Variants in RPGR observed in about 807,000 individuals in gnomAD.
RPGR encodes the protein retinitis pigmentosa GTPase regulator, also known as X-linked retinitis pigmentosa GTPase regulator.
In RPGR, 10 loss-of-function variants were observed where a neutral mutation model predicts 56.3. That is an observed-to-expected ratio of 0.18 (90% confidence interval 0.11 to 0.30). The LOEUF (loss-of-function observed/expected upper bound fraction) is 0.30, where lower values mean the gene tolerates loss of function less well. Among genes scored for constraint, RPGR ranks in the 10% least tolerant of loss-of-function variants. RPGR has a pLI of 1.00. For missense variants in RPGR, 538 were observed against 590.9 expected (o/e 0.91, Z 0.93); for synonymous variants, 197 against 212.9 (o/e 0.93, Z 0.65).
chrX:38,306,202 A>G (rs778799700), intron 7 of RPGR, among the ~76,000 whole-genome samples: 2 of 111,962 alleles, frequency 1.8e-5, no homozygotes, highest in Non-Finnish European at 3.8e-5. Flanking sequence ...CAGGAAGGGC[A>G]AGAGCTTGTT....
At chrX:38,273,305 A>T in intron 18 of RPGR, 1 of 788,005 alleles carries the variant, frequency 1.3e-6, no homozygotes, top group Non-Finnish European at 1.9e-6. Flanking sequence ...TAAGAGAGTT[A>T]AATTATGTGG....
chrX:38,288,053 T>C lies in RPGR; in HGVS notation c.1573-12A>G, dbSNP rs2067221066. On this transcript the variant is annotated splice_polypyrimidine_tract_variant and intron_variant, in intron 13 of 18. Transcript: ENST00000642395. The stretch of plus-strand genomic sequence containing the variant: ...ATTGTTTGTTGTTTCTGTAAATTTT[T>C]TGAAGTAATTATCATATGTCATACT... 1.7e-6 allele frequency: 2 copies of C among 1,195,458 alleles called. No individual in the cohort carries two copies. The highest frequency in any genetic ancestry group is 2.3e-6 in the Non-Finnish European group (2 of 880,809).
chrX:38,291,545 G>A, intron 11 of RPGR, 61 bp from the exon 12 acceptor site: 1 of 644,676 alleles, frequency 1.6e-6, no homozygotes, highest in Non-Finnish European at 2.6e-6. Flanking sequence ...AAGGCAACTG[G>A]ACAGAAAACA....
At chrX:38,291,079 A>C in intron 12 of RPGR, 55 bp from the exon 13 acceptor site, 1 of 291,173 alleles carries the variant, frequency 3.4e-6, no homozygotes, top group Non-Finnish European at 5.5e-6. Context: ...TATACTATAT[A>C]TTTGTATATA....
At chrX:38,278,299 G>T (rs759021308) in intron 15 of RPGR, among the ~76,000 whole-genome samples, 1 of 112,427 alleles carries the variant, frequency 8.9e-6, no homozygotes, top group East Asian at 2.8e-4. Flanking sequence ...GGAGTGCAGT[G>T]GCACAATCTT....
chrX:38,304,915 A>C (rs995393952), intron 7 of RPGR, 125 bp from the exon 8 acceptor site: 8 of 563,271 alleles, frequency 1.4e-5, no homozygotes, highest in Non-Finnish European at 2.4e-5. Flanking sequence ...GGAAAAAAAA[A>C]CATTTAAGAA....
At chrX:38,302,256 T>C (rs751580252) in intron 8 of RPGR, among the ~76,000 whole-genome samples, 2 of 111,230 alleles carry the variant, frequency 1.8e-5, no homozygotes, top group Non-Finnish European at 3.8e-5. Flanking sequence ...GGTGTTAATA[T>C]GGTTCAAAGG....
chrX:38,285,714 C>T lies in RPGR; in HGVS notation c.1905+1380G>A, dbSNP rs1601917276. 1 of 1,211,208 alleles carries T rather than the reference C, an allele frequency of 8.3e-7. No homozygotes were observed. Among genetic ancestry groups the T allele is most frequent in the Non-Finnish European group, 1.1e-6 (1 of 895,395 alleles). On this transcript the variant is annotated intron_variant, in intron 15 of 18. Transcript: ENST00000642395. ...GATATGTTTTATGTTTGCCATATTTCACAGATCCTTTTATTTTGCTCACTT... is the reference window on the plus strand; with the variant it reads ...GATATGTTTTATGTTTGCCATATTTTACAGATCCTTTTATTTTGCTCACTT...
At chrX:38,306,581 CTTTATT>C (rs1361015092) in intron 7 of RPGR, among the ~76,000 whole-genome samples, 1 of 112,195 alleles carries the variant, frequency 8.9e-6, no homozygotes, top group Non-Finnish European at 1.9e-5. Flanking sequence ...CAAAACAGAT[CTTTATT>C]TTAATATTAA....
intron 15 of RPGR, among the ~76,000 whole-genome samples, chrX:38,280,619 A>C (rs780585287): frequency 8.9e-6 from 1 of 111,749 alleles, no homozygotes; most frequent in Non-Finnish European, 1.9e-5. Flanking sequence ...TACAGCCTTG[A>C]CCTTCAGGGC....
intron 10 of RPGR, among the ~76,000 whole-genome samples, chrX:38,297,964 T>TA (rs2147229370): frequency 8.9e-6 from 1 of 112,008 alleles, no homozygotes; most frequent in South Asian, 3.7e-4. Context: ...CCATTTACTT[T>TA]AAAAAACAGG....
chrX:38,293,298 T>C (rs1268642079), intron 11 of RPGR, among the ~76,000 whole-genome samples: 1 of 111,452 alleles, frequency 9.0e-6, no homozygotes, highest in Non-Finnish European at 1.9e-5. Context: ...CATAAAGGAA[T>C]GGGTATGGCT....
At chrX:38,313,658 T>C (rs1181565928) in intron 6 of RPGR, among the ~76,000 whole-genome samples, 1 of 111,798 alleles carries the variant, frequency 8.9e-6, no homozygotes, top group East Asian at 2.8e-4. Context: ...TGCAACTCAA[T>C]CGCAGCATCA....
intron 6 of RPGR, among the ~76,000 whole-genome samples, chrX:38,315,280 C>T (rs1417749220): frequency 9.0e-6 from 1 of 111,037 alleles, no homozygotes; most frequent in African/African-American, 3.3e-5. Flanking sequence ...TGCAGTGAGC[C>T]GGGACTATAC....
At chrX:38,305,929 G>A (rs2067589711) in intron 7 of RPGR, among the ~76,000 whole-genome samples, 1 of 111,121 alleles carries the variant, frequency 9.0e-6, no homozygotes, top group African/African-American at 3.3e-5. Context: ...TATAATAGGA[G>A]GGGAAAAGCT....
At chrX:38,278,272 A>G (rs771410649) in intron 15 of RPGR, among the ~76,000 whole-genome samples, 16 of 111,850 alleles carry the variant, frequency 1.4e-4, no homozygotes, top group African/African-American at 4.9e-4. Flanking sequence ...ACAGGGTCTC[A>G]CTCTGTCACC....
chrX:38,322,609 T>C (rs1223597838), intron 3 of RPGR, among the ~76,000 whole-genome samples: 1 of 112,196 alleles, frequency 8.9e-6, no homozygotes, highest in Non-Finnish European at 1.9e-5. Context: ...GATATTCAAA[T>C]GCAATACTGT....
intron 9 of RPGR, among the ~76,000 whole-genome samples, chrX:38,300,760 C>T (rs1341573447): frequency 8.9e-6 from 1 of 111,878 alleles, no homozygotes; most frequent in Non-Finnish European, 1.9e-5. Flanking sequence ...TTCTTAAACT[C>T]CCGATCTCAG....
chrX:38,325,294 C>T lies in RPGR; in HGVS notation c.29-1770G>A, dbSNP rs191308788. ...AAGGTTACAGAGGGTATGCACTACC[C>T]ATATTGCCTAGCACAAAGTAGCCCT... is the stretch of plus-strand genomic sequence containing the variant. On this transcript the variant is annotated intron_variant, in intron 1 of 18. Coordinates refer to ENST00000642395, the MANE Select transcript of RPGR (RefSeq NM_000328.3). Among the ~76,000 whole-genome samples, 315 of 111,084 alleles carry T rather than the reference C, an allele frequency of 2.8e-3. 4 individuals carry two copies. Among genetic ancestry groups the T allele is most frequent in the Non-Finnish European group, 4.2e-3 (224 of 53,022 alleles).
Sources: gnomAD v4.1 joint callset for allele counts (sites outside exome capture counted in the v4.1 genomes callset) on GRCh38, gnomAD v4.1.1 for gene constraint, MANE v1.5 for transcripts, NCBI Gene and HGNC (gene_info 2026-07-23, HGNC 2026-07-21) for gene names.